The following NMNAT3 variants were observed in gnomAD, a reference collection of about 807,000 sequenced individuals.
NMNAT3 encodes the protein nicotinamide/nicotinic acid mononucleotide adenylyltransferase 3.
In NMNAT3, 21 loss-of-function variants were observed where a neutral mutation model predicts 24.8. The ratio of observed to expected loss-of-function variants is 0.85; its 90% CI spans 0.60 to 1.22. The LOEUF is 1.22. Among genes scored for constraint, NMNAT3 ranks in the 50% most tolerant of loss-of-function variants. The pLI is 0.00. For synonymous variants in NMNAT3, 136 were observed against 155.2 expected, an observed-to-expected ratio of 0.88 and a Z score of 0.92; for missense variants, 387 against 436.6, an observed-to-expected ratio of 0.89 and a Z score of 1.01.
intron 3 of NMNAT3, among the ~76,000 whole-genome samples, chr3:139,610,195 T>C (rs1033040338): frequency 6.6e-6 from 1 of 152,056 alleles, no homozygotes; most frequent in African/African-American, 2.4e-5. Flanking sequence ...GGCCTCAAAA[T>C]AAAGCACACT....
intron 1 of NMNAT3, among the ~76,000 whole-genome samples, chr3:139,663,100 G>T (rs1020771835): frequency 6.6e-6 from 1 of 152,198 alleles, no homozygotes; most frequent in African/African-American, 2.4e-5. Flanking sequence ...GTGTCAGCAG[G>T]GCTGTGTTCC....
At chr3:139,628,127 G>A (rs1389830089) in intron 2 of NMNAT3, among the ~76,000 whole-genome samples, 1 of 152,176 alleles carries the variant, frequency 6.6e-6, no homozygotes, top group Non-Finnish European at 1.5e-5. Context: ...GTCAGAAGGA[G>A]GGCTAGAAGA....
chr3:139,576,145 T>A, intron 5 of NMNAT3: 2 of 985,442 alleles, frequency 2.0e-6, no homozygotes, highest in South Asian at 9.4e-5. Flanking sequence ...ACGGACTTTA[T>A]CAAGAGGACA....
At chr3:139,669,413 T>C (rs960042799) in intron 1 of NMNAT3, among the ~76,000 whole-genome samples, 44 of 142,448 alleles carry the variant, frequency 3.1e-4, no homozygotes, top group Non-Finnish European at 5.5e-4. Context: ...AGGCGGAGGT[T>C]GAAGTGAGTG....
chr3:139,631,108 A>G (rs1417431625), intron 2 of NMNAT3, among the ~76,000 whole-genome samples: 2 of 152,170 alleles, frequency 1.3e-5, no homozygotes, highest in East Asian at 1.9e-4. Flanking sequence ...ATGACCTTTA[A>G]TAAGTGCCTC....
chr3:139,674,998 G>C (rs73869370), intron 1 of NMNAT3, among the ~76,000 whole-genome samples: 2,617 of 152,234 alleles, frequency 0.017, 71 homozygotes, highest in African/African-American at 0.059. Context: ...ACATGGGAAA[G>C]TCACACGAGC....
chr3:139,610,248 G>T (rs895440741), intron 3 of NMNAT3, among the ~76,000 whole-genome samples: 3 of 152,116 alleles, frequency 2.0e-5, no homozygotes, highest in African/African-American at 7.2e-5. Context: ...GTGCAGTCAA[G>T]TCTGGTGCTA....
At chr3:139,671,698 G>A (rs2057762379) in intron 1 of NMNAT3, among the ~76,000 whole-genome samples, 1 of 152,118 alleles carries the variant, frequency 6.6e-6, no homozygotes, top group South Asian at 2.1e-4. Context: ...GCCAGATGGG[G>A]AAATTAAAAG....
At chr3:139,622,836 A>G (rs1265759499) in intron 3 of NMNAT3, among the ~76,000 whole-genome samples, 1 of 121,022 alleles carries the variant, frequency 8.3e-6, no homozygotes, top group East Asian at 2.1e-4. Context: ...TATATAATAT[A>G]TATTATATAT....
At chr3:139,655,680 G>T (rs2108404750) in intron 1 of NMNAT3, among the ~76,000 whole-genome samples, 1 of 152,386 alleles carries the variant, frequency 6.6e-6, no homozygotes, top group Middle Eastern at 3.4e-3. Context: ...AAGGAGGGAA[G>T]TAGTAAGCAC....
chr3:139,614,576 C>T (rs1301958613), intron 3 of NMNAT3, among the ~76,000 whole-genome samples: 1 of 152,228 alleles, frequency 6.6e-6, no homozygotes, highest in East Asian at 1.9e-4. Context: ...TGCAGAATGT[C>T]CCTCACTTTA....
At chr3:139,663,541 T>G (rs1020027305) in intron 1 of NMNAT3, among the ~76,000 whole-genome samples, 1 of 152,214 alleles carries the variant, frequency 6.6e-6, no homozygotes, top group Admixed American at 6.5e-5. Flanking sequence ...AGTTAGATTC[T>G]GGGATCTCAA....
intron 6 of NMNAT3, among the ~76,000 whole-genome samples, chr3:139,565,243 CT>C (rs1936997772): frequency 6.6e-6 from 1 of 152,168 alleles, no homozygotes; most frequent in African/African-American, 2.4e-5. Context: ...TTGTCCCAAT[CT>C]CTAATTATTT....
At chr3:139,590,820 G>A (rs1015142715) in intron 3 of NMNAT3, among the ~76,000 whole-genome samples, 2 of 151,978 alleles carry the variant, frequency 1.3e-5, no homozygotes, top group Non-Finnish European at 1.5e-5. Flanking sequence ...TTCAAACCAC[G>A]TAAATTCACT....
chr3:139,596,063 G>A (rs1018892125), intron 3 of NMNAT3, among the ~76,000 whole-genome samples: 3 of 152,162 alleles, frequency 2.0e-5, no homozygotes, highest in Admixed American at 6.5e-5. Context: ...AGAGCCACTT[G>A]CCCTGAATCT....
chr3:139,594,661 C>T (rs1379503190), intron 3 of NMNAT3, among the ~76,000 whole-genome samples: 15 of 152,228 alleles, frequency 9.9e-5, no homozygotes, highest in East Asian at 9.6e-4. Context: ...GTTCAATATA[C>T]GCAAATCAGT....
chr3:139,641,424 G>C (rs1362042056), intron 1 of NMNAT3, among the ~76,000 whole-genome samples: 1 of 152,186 alleles, frequency 6.6e-6, no homozygotes, highest in African/African-American at 2.4e-5. Flanking sequence ...CACAAGCACA[G>C]CATTTTCTAT....
At chr3:139,649,187 T>C (rs1488832372) in intron 1 of NMNAT3, among the ~76,000 whole-genome samples, 1 of 152,206 alleles carries the variant, frequency 6.6e-6, no homozygotes, top group Non-Finnish European at 1.5e-5. Context: ...TTTTGAATGA[T>C]GTCTGGCAAA....
intron 1 of NMNAT3, among the ~76,000 whole-genome samples, chr3:139,663,807 G>A (rs1275105427): frequency 2.0e-5 from 3 of 152,182 alleles, no homozygotes; most frequent in Non-Finnish European, 4.4e-5. Flanking sequence ...AGGGGGAGAT[G>A]TAGACTTATG....
Sources: allele counts gnomAD v4.1 joint callset (sites outside exome capture counted in the v4.1 genomes callset), GRCh38; gene constraint gnomAD v4.1.1; transcripts MANE v1.5; gene names NCBI Gene and HGNC (gene_info 2026-07-23, HGNC 2026-07-21).